The following SLC9D1 variants were observed in gnomAD, a reference collection of about 807,000 sequenced individuals.
The protein encoded by SLC9D1 is solute carrier family 9 member D1, also known as putative LAG1-interacting protein.
At chr13:113,501,726 T>C in the SLC9D1 span, 8 of 1,596,796 alleles carry the variant, frequency 5.0e-6, no homozygotes, top group Middle Eastern at 1.7e-4. Flanking sequence ...CTTATACTTC[T>C]GTTTCTTATT....
chr13:113,537,393 C>A, the SLC9D1 span, among the ~76,000 whole-genome samples: 2 of 152,224 alleles, frequency 1.3e-5, no homozygotes, highest in Admixed American at 6.5e-5. Context: ...CTGGCCGTGT[C>A]GCGTGGCGGC....
chr13:113,498,270 G>T, the SLC9D1 span: 1 of 1,159,864 alleles, frequency 8.6e-7, no homozygotes, highest in Admixed American at 2.9e-5. Context: ...AAAGCAGGAG[G>T]ATTGATTAAG....
chr13:113,513,906 G>A, the SLC9D1 span, among the ~76,000 whole-genome samples: 219 of 152,328 alleles, frequency 1.4e-3, no homozygotes, highest in Non-Finnish European at 2.5e-3. Context: ...TCAAGACTGA[G>A]GATGTCCCGG....
chr13:113,499,151 G>C, the SLC9D1 span, among the ~76,000 whole-genome samples: 1 of 152,176 alleles, frequency 6.6e-6, no homozygotes. Context: ...AAGTTGTCAT[G>C]GCGCGGGTGG....
chr13:113,547,361 G>T, the SLC9D1 span: 2 of 1,613,960 alleles, frequency 1.2e-6, no homozygotes, highest in Non-Finnish European at 1.7e-6. Flanking sequence ...TCCTCACCTT[G>T]TCAGTGGTGG....
At chr13:113,498,393 G>GC in the SLC9D1 span, 1 of 1,574,270 alleles carries the variant, frequency 6.4e-7, no homozygotes, top group Non-Finnish European at 8.6e-7. Flanking sequence ...TCAAGTTGAA[G>GC]CCCTTAAAAA....
the SLC9D1 span, among the ~76,000 whole-genome samples, chr13:113,519,881 C>G: frequency 6.6e-6 from 1 of 152,256 alleles, no homozygotes; most frequent in Non-Finnish European, 1.5e-5. Context: ...TTGGGTGGGT[C>G]TGCACACGTG....
At chr13:113,509,826 A>G in the SLC9D1 span, among the ~76,000 whole-genome samples, 1 of 152,190 alleles carries the variant, frequency 6.6e-6, no homozygotes, top group Admixed American at 6.5e-5. Context: ...GAGGCACTAT[A>G]GAGCCGCTTC....
chr13:113,518,843 A>G, the SLC9D1 span, among the ~76,000 whole-genome samples: 1 of 152,246 alleles, frequency 6.6e-6, no homozygotes, highest in African/African-American at 2.4e-5. Context: ...AGACTGTTTT[A>G]AAATTCTAAG....
the SLC9D1 span, among the ~76,000 whole-genome samples, chr13:113,507,690 T>G: frequency 6.6e-6 from 1 of 152,350 alleles, no homozygotes; most frequent in South Asian, 2.1e-4. Context: ...AGTTTCTGCC[T>G]CTCTCCAGAT....
chr13:113,549,236 G>C, the SLC9D1 span, among the ~76,000 whole-genome samples: 1 of 151,370 alleles, frequency 6.6e-6, no homozygotes, highest in African/African-American at 2.4e-5. Context: ...CGGCATGACC[G>C]CGCTTAGCTT....
the SLC9D1 span, among the ~76,000 whole-genome samples, chr13:113,500,925 G>A: frequency 6.6e-6 from 1 of 152,308 alleles, no homozygotes; most frequent in South Asian, 2.1e-4. Context: ...CCAAGAAGGG[G>A]TGGAGGTATC....
At chr13:113,500,768 A>G in the SLC9D1 span, among the ~76,000 whole-genome samples, 1 of 152,182 alleles carries the variant, frequency 6.6e-6, no homozygotes, top group Non-Finnish European at 1.5e-5. Context: ...GGAGGTTTGT[A>G]CAGGAGCAGA....
At chr13:113,518,840 T>G in the SLC9D1 span, among the ~76,000 whole-genome samples, 3 of 152,242 alleles carry the variant, frequency 2.0e-5, no homozygotes, top group Non-Finnish European at 4.4e-5. Context: ...TTCAGACTGT[T>G]TTAAAATTCT....
the SLC9D1 span, among the ~76,000 whole-genome samples, chr13:113,497,328 A>G: frequency 6.7e-6 from 1 of 149,110 alleles, no homozygotes; most frequent in East Asian, 2.0e-4. Flanking sequence ...CAAGACCTGC[A>G]GCTGTGTGTG....
chr13:113,514,305 A>T, the SLC9D1 span: 1 of 152,252 alleles, frequency 6.6e-6, no homozygotes, highest in African/African-American at 2.4e-5. Flanking sequence ...AGAGCAAAGG[A>T]TTAATATTCA....
chr13:113,527,402 A>T, the SLC9D1 span: 1 of 152,234 alleles, frequency 6.6e-6, no homozygotes, highest in Non-Finnish European at 1.5e-5. Flanking sequence ...TCGTCTGGGA[A>T]TGGCCTTTGT....
chr13:113,518,983 G>GT, the SLC9D1 span, among the ~76,000 whole-genome samples: 27 of 151,032 alleles, frequency 1.8e-4, no homozygotes, highest in Admixed American at 2.0e-4. Flanking sequence ...TGGTTCTGCT[G>GT]TTTTTTTAAA....
chr13:113,527,469 C>G, the SLC9D1 span: 1 of 152,222 alleles, frequency 6.6e-6, no homozygotes, highest in African/African-American at 2.4e-5. Flanking sequence ...GGTGGCTCTC[C>G]TCATCCAGTG....
Sources: allele counts gnomAD v4.1 joint callset (sites outside exome capture counted in the v4.1 genomes callset), GRCh38; gene constraint gnomAD v4.1.1; transcripts MANE v1.5; gene names NCBI Gene and HGNC (gene_info 2026-07-23, HGNC 2026-07-21).